The following FAM168A variants were observed in gnomAD, a reference collection of about 807,000 sequenced individuals.
The protein encoded by FAM168A is family with sequence similarity 168 member A.
In FAM168A, 3 loss-of-function variants were observed where a neutral mutation model predicts 28.5. That is an observed-to-expected ratio of 0.11 (90% CI 0.05 to 0.27). The LOEUF is 0.27. FAM168A is among the 10% of genes least tolerant of loss of function. FAM168A has a pLI of 1.00. For synonymous variants in FAM168A, 122 were observed against 124.2 expected (o/e 0.98, Z 0.12); for missense variants, 222 against 311.5 (o/e 0.71, Z 2.16).
Position 73,409,830 on chromosome 11 carries a change from T to G in FAM168A, c.421-169A>C, listed in dbSNP as rs573306231. Among the ~76,000 whole-genome samples the G allele has an allele frequency of 2.4e-4, 37 of 152,276 alleles. 1 individual carries two copies. In the South Asian group the frequency reaches 7.7e-3, roughly 32 times the overall value. ...TGGGCTCAGCTTCTGGTCTGAAAAA[T>G]AAGGCTCTAATCCTGTCCTGCCTTG... On this transcript the variant is annotated intron_variant, in intron 5 of 7. Coordinates refer to ENST00000356467, the MANE Select transcript of FAM168A (RefSeq NM_015159.3).
chr11:73,594,352 A>T (rs938579013), intron 1 of FAM168A, among the ~76,000 whole-genome samples: 1 of 151,332 alleles, frequency 6.6e-6, no homozygotes, highest in African/African-American at 2.4e-5. Flanking sequence ...CTCCCAGCTC[A>T]GCCTCCCAAA....
chr11:73,451,266 C>T (rs574804520), intron 2 of FAM168A, among the ~76,000 whole-genome samples: 1 of 152,196 alleles, frequency 6.6e-6, no homozygotes, highest in Admixed American at 6.5e-5. Context: ...TGTGAAAGCA[C>T]TGGCTTAGAG....
At chr11:73,504,817 C>G (rs929941301) in intron 1 of FAM168A, among the ~76,000 whole-genome samples, 6 of 152,102 alleles carry the variant, frequency 3.9e-5, no homozygotes, top group African/African-American at 1.4e-4. Flanking sequence ...TGGAATACTA[C>G]GCAGCCATAA....
intron 1 of FAM168A, among the ~76,000 whole-genome samples, chr11:73,564,431 C>A (rs1943994720): frequency 6.6e-6 from 1 of 152,034 alleles, no homozygotes. Context: ...TGCAGATGGG[C>A]TGGTAGTAAA....
chr11:73,457,770 G>GAAAAGA (rs1867568878), intron 2 of FAM168A, among the ~76,000 whole-genome samples: 1 of 106,954 alleles, frequency 9.3e-6, no homozygotes, highest in Non-Finnish European at 2.1e-5. Context: ...AGAAAGAAAA[G>GAAAAGA]AAAAAAAAGG....
At chr11:73,548,633 TTTTAA>T (rs1943788648) in intron 1 of FAM168A, among the ~76,000 whole-genome samples, 1 of 152,218 alleles carries the variant, frequency 6.6e-6, no homozygotes, top group Admixed American at 6.5e-5. Context: ...TTTCTTTCTT[TTTTAA>T]TTTGATTTTT....
chr11:73,534,199 T>G (rs373277214), intron 1 of FAM168A, among the ~76,000 whole-genome samples: 4 of 152,116 alleles, frequency 2.6e-5, no homozygotes, highest in African/African-American at 9.6e-5. Context: ...CAAAGAGAAA[T>G]GGAGACGAGC....
chr11:73,427,599 A>C (rs1866912339), intron 3 of FAM168A, among the ~76,000 whole-genome samples: 1 of 152,182 alleles, frequency 6.6e-6, no homozygotes. Flanking sequence ...TCTAAGCTTT[A>C]GTTTTCCCAT....
chr11:73,524,207 CGAAATTTTATGGTGTTCT>C (rs1565283102), intron 1 of FAM168A, among the ~76,000 whole-genome samples: 1 of 151,926 alleles, frequency 6.6e-6, no homozygotes, highest in Non-Finnish European at 1.5e-5. Context: ...ATTCTCATTT[CGAAATTTTATGGTGTTCT>C]GAAATTTTAT....
intron 1 of FAM168A, among the ~76,000 whole-genome samples, chr11:73,505,749 T>A (rs946938209): frequency 1.3e-5 from 2 of 152,140 alleles, no homozygotes; most frequent in African/African-American, 4.8e-5. Flanking sequence ...GTACTTGGTG[T>A]ACTTCACCAT....
chr11:73,484,078 C>T (rs1409375130), intron 1 of FAM168A, among the ~76,000 whole-genome samples: 1 of 152,192 alleles, frequency 6.6e-6, no homozygotes, highest in Non-Finnish European at 1.5e-5. Context: ...TTGCTGCTTC[C>T]TTCCTCCCTC....
intron 1 of FAM168A, among the ~76,000 whole-genome samples, chr11:73,544,948 TA>T (rs1190073539): frequency 1.8e-4 from 17 of 92,182 alleles, no homozygotes; most frequent in African/African-American, 6.7e-4. Context: ...ATGTAATATA[TA>T]ATATATTATA....
chr11:73,516,944 G>A (rs1943311495), intron 1 of FAM168A, among the ~76,000 whole-genome samples: 1 of 151,986 alleles, frequency 6.6e-6, no homozygotes, highest in Non-Finnish European at 1.5e-5. Context: ...ACTATCTAGT[G>A]GGAAAGACAT....
Position 73,409,763 on chromosome 11 carries a change from G to A in FAM168A, c.421-102C>T, listed in dbSNP as rs189657156. On this transcript the variant is annotated intron_variant, in intron 5 of 7. Transcript: ENST00000356467. ...GACACAAGGTCCGGACCCCAGCTGG[G>A]GCTCTGCTTGTCTTACTATGTGACT... The A allele has an allele frequency of 1.9e-4, 230 of 1,214,126 alleles. No homozygotes were observed. The African/African-American group carries it at 3.3e-3, about 18-fold the overall frequency. 75.2% of individuals were successfully genotyped at this position (1,214,126 alleles called of 1,614,324 possible). A position where few individuals can be genotyped will look rare whatever the true frequency, so the allele number is the denominator to read the frequency against.
chr11:73,518,797 TGAGGCAGGAGAATTGCTTGAACCCGG>T (rs1297335540), intron 1 of FAM168A, among the ~76,000 whole-genome samples: 1 of 152,126 alleles, frequency 6.6e-6, no homozygotes, highest in Non-Finnish European at 1.5e-5. Flanking sequence ...CTCAGGAGGC[TGAGGCAGGAGAATTGCTTGAACCCGG>T]GAGGCAGAGG....
At chr11:73,473,651 T>TC (rs1384832355) in intron 1 of FAM168A, among the ~76,000 whole-genome samples, 1 of 152,090 alleles carries the variant, frequency 6.6e-6, no homozygotes, top group Non-Finnish European at 1.5e-5. Flanking sequence ...ACTTGCTTTT[T>TC]CCCCACACCT....
chr11:73,452,817 T>A (rs5004964), intron 2 of FAM168A, among the ~76,000 whole-genome samples: 23,605 of 140,778 alleles, frequency 0.17, 2,777 homozygotes, highest in African/African-American at 0.38. Flanking sequence ...AAAAAAATAA[T>A]AATAATAAGT....
chr11:73,473,449 C>T (rs1051576956), intron 1 of FAM168A, among the ~76,000 whole-genome samples: 5 of 152,162 alleles, frequency 3.3e-5, no homozygotes, highest in African/African-American at 1.2e-4. Flanking sequence ...TTCATATCTA[C>T]CACAGTACCT....
At position 73,440,302 on chromosome 11, in the gene FAM168A, C is replaced by A. The variant is rs184489508; in HGVS notation, c.71-9532G>T. ...CCATGTAAAATAATAAAATTAGACA[C>A]CCCCACCCCACACCTCACACTTCTC... On this transcript the variant is annotated intron_variant, in intron 2 of 7. Coordinates refer to ENST00000356467, the MANE Select transcript of FAM168A (RefSeq NM_015159.3). Among the ~76,000 whole-genome samples, 300 of 152,252 alleles carry A rather than the reference C, an allele frequency of 2.0e-3. 4 individuals carry two copies. The highest frequency in any genetic ancestry group is 6.6e-3 in the African/African-American group (274 of 41,544).
Sources: allele counts gnomAD v4.1 joint callset (sites outside exome capture counted in the v4.1 genomes callset), GRCh38; gene constraint gnomAD v4.1.1; transcripts MANE v1.5; gene names NCBI Gene and HGNC (gene_info 2026-07-23, HGNC 2026-07-21).